Variants in PHF24 observed in about 807,000 individuals in gnomAD.
PHF24 encodes PHD finger protein 24, also known as Galpha inhibitory interacting protein.
PHF24 carries 25 observed loss-of-function variants against 42.6 expected under a neutral mutation model. That is an observed-to-expected ratio of 0.59 (90% confidence interval 0.43 to 0.82). The LOEUF is 0.82. PHF24 is among the 40% of genes least tolerant of loss of function. PHF24 has a pLI of 0.00. For synonymous variants in PHF24, 185 were observed against 204.8 expected (o/e 0.90, Z 0.83); for missense variants, 470 against 538.1 (o/e 0.87, Z 1.25).
chr9:34,780,615 G>A, the PHF24 span, among the ~76,000 whole-genome samples: 3 of 151,970 alleles, frequency 2.0e-5, no homozygotes, highest in Non-Finnish European at 4.4e-5. Flanking sequence ...TACACCAAAA[G>A]CACAATAAAC....
chr9:34,919,718 C>T, the PHF24 span, among the ~76,000 whole-genome samples: 421 of 68,420 alleles, frequency 6.2e-3, 2 homozygotes, highest in African/African-American at 0.017. Flanking sequence ...ACATCCCAAC[C>T]CCTGGTAACC....
the PHF24 span, among the ~76,000 whole-genome samples, chr9:34,772,958 G>C: frequency 6.6e-6 from 1 of 151,670 alleles, no homozygotes; most frequent in East Asian, 1.9e-4. Flanking sequence ...AGGAGCACCA[G>C]TAGCAATGAG....
the PHF24 span, chr9:34,922,490 C>G: frequency 3.3e-5 from 43 of 1,287,392 alleles, no homozygotes; most frequent in African/African-American, 4.5e-4. Context: ...CTTGTTGTGA[C>G]TGATCCACAG....
the PHF24 span, among the ~76,000 whole-genome samples, chr9:34,680,278 G>A: frequency 6.6e-6 from 1 of 152,172 alleles, no homozygotes; most frequent in Non-Finnish European, 1.5e-5. Context: ...GGGAGGCTGA[G>A]GCAGGAGAAT....
chr9:34,845,146 C>T, the PHF24 span, among the ~76,000 whole-genome samples: 1 of 152,082 alleles, frequency 6.6e-6, no homozygotes, highest in Non-Finnish European at 1.5e-5. Flanking sequence ...GCTACCCTTC[C>T]TCTCTTTTTG....
At chr9:34,973,415 G>T (rs1012133311) in intron 3 of PHF24, among the ~76,000 whole-genome samples, 1 of 152,116 alleles carries the variant, frequency 6.6e-6, no homozygotes, top group Middle Eastern at 3.2e-3. Context: ...TCAGAACTTC[G>T]CAAATTATAT....
chr9:34,936,642 G>T, the PHF24 span, among the ~76,000 whole-genome samples: 2 of 151,458 alleles, frequency 1.3e-5, no homozygotes, highest in African/African-American at 4.9e-5. Flanking sequence ...CTTCCCGGCC[G>T]CCATCCCATC....
chr9:34,712,427 G>A, the PHF24 span, among the ~76,000 whole-genome samples: 1 of 151,650 alleles, frequency 6.6e-6, no homozygotes, highest in African/African-American at 2.4e-5. Flanking sequence ...CCTGTGATGA[G>A]GTACATTTGA....
chr9:34,810,424 T>C, the PHF24 span, among the ~76,000 whole-genome samples: 2 of 152,072 alleles, frequency 1.3e-5, no homozygotes, highest in Non-Finnish European at 1.5e-5. Flanking sequence ...AGTCCCCCTG[T>C]GGAGGGCACT....
At chr9:34,808,281 T>C in the PHF24 span, among the ~76,000 whole-genome samples, 1 of 152,178 alleles carries the variant, frequency 6.6e-6, no homozygotes, top group South Asian at 2.1e-4. Flanking sequence ...ATGTAGTGTT[T>C]AGCATCTACC....
the PHF24 span, chr9:34,689,639 C>A: frequency 5.9e-6 from 4 of 682,156 alleles, no homozygotes; most frequent in East Asian, 7.8e-5. This position sits in a 1 kb window ranked among gnomAD's most constrained non-coding sequence, Gnocchi z 4.1. Flanking sequence ...TTACTCTGAC[C>A]ACACTCACCC....
the PHF24 span, among the ~76,000 whole-genome samples, chr9:34,801,919 G>T: frequency 6.7e-6 from 1 of 148,866 alleles, no homozygotes; most frequent in East Asian, 2.0e-4. Context: ...GGGGTGGGGG[G>T]CAAGGGGAGG....
the PHF24 span, among the ~76,000 whole-genome samples, chr9:34,782,072 T>C: frequency 3.9e-5 from 6 of 152,204 alleles, no homozygotes; most frequent in African/African-American, 1.4e-4. Context: ...TGAGATTCTT[T>C]CCTGAAGAAG....
the PHF24 span, chr9:34,723,343 G>C: frequency 1.9e-6 from 3 of 1,551,698 alleles, no homozygotes; most frequent in South Asian, 3.6e-5. Flanking sequence ...AGTGTAGCCG[G>C]AGCTTATCGT....
At chr9:34,860,198 C>T in the PHF24 span, among the ~76,000 whole-genome samples, 1 of 152,336 alleles carries the variant, frequency 6.6e-6, no homozygotes, top group African/African-American at 2.4e-5. Context: ...TCCCATTTCT[C>T]AGTGATCACT....
chr9:34,880,672 A>G, the PHF24 span, among the ~76,000 whole-genome samples: 15 of 152,326 alleles, frequency 9.8e-5, no homozygotes, highest in African/African-American at 3.6e-4. Context: ...GTAAATATAT[A>G]TACACCCAAT....
chr9:34,944,434 T>A, the PHF24 span, among the ~76,000 whole-genome samples: 2 of 152,216 alleles, frequency 1.3e-5, no homozygotes, highest in African/African-American at 4.8e-5. Flanking sequence ...TATTTAACCC[T>A]AAGTTTTTGG....
the PHF24 span, among the ~76,000 whole-genome samples, chr9:34,850,881 T>G: frequency 3.9e-5 from 6 of 152,356 alleles, no homozygotes; most frequent in African/African-American, 1.4e-4. Context: ...CCTGTTTGCC[T>G]GGGTACCAGC....
the PHF24 span, among the ~76,000 whole-genome samples, chr9:34,791,422 A>G: frequency 2.0e-5 from 3 of 152,216 alleles, no homozygotes; most frequent in African/African-American, 7.2e-5. Context: ...TGAGATATCT[A>G]GCTGACATCC....
Sources: allele counts gnomAD v4.1 joint callset (sites outside exome capture counted in the v4.1 genomes callset), GRCh38; gene constraint gnomAD v4.1.1; non-coding constraint Gnocchi (gnomAD v3.1); transcripts MANE v1.5; gene names NCBI Gene and HGNC (gene_info 2026-07-23, HGNC 2026-07-21).